The following ERICH1 variants were observed in gnomAD, a reference collection of about 807,000 sequenced individuals.
ERICH1 encodes the protein glutamate-rich protein 1.
ERICH1 carries 56 observed loss-of-function variants against 39.6 expected under a neutral mutation model. That is an observed-to-expected ratio of 1.41 (90% CI 1.14 to 1.77). The LOEUF is 1.77. ERICH1 is among the 40% of genes most tolerant of loss of function. The pLI is 0.00. For synonymous variants in ERICH1, 313 were observed against 223.6 expected (o/e 1.40, Z -3.57); for missense variants, 826 against 575.4 (o/e 1.44, Z -4.45).
chr8:708,044 A>G (rs1585544992), intron 2 of ERICH1, among the ~76,000 whole-genome samples: 2 of 152,314 alleles, frequency 1.3e-5, no homozygotes, highest in South Asian at 4.1e-4. Flanking sequence ...AAAGATGCTC[A>G]ACATTCTCAG....
intron 4 of ERICH1, among the ~76,000 whole-genome samples, chr8:669,843 G>C (rs1480438859): frequency 6.6e-6 from 1 of 152,236 alleles, no homozygotes; most frequent in Non-Finnish European, 1.5e-5. Context: ...TCAGCAGTAT[G>C]ACTGCAATTC....
intron 3 of ERICH1, chr8:616,578 A>C (rs1349501841): frequency 4.4e-6 from 2 of 455,738 alleles, no homozygotes; most frequent in African/African-American, 4.0e-5. Flanking sequence ...AGATCAAGTC[A>C]GGGCTGGAGA....
intron 3 of ERICH1, among the ~76,000 whole-genome samples, chr8:653,547 C>T (rs1034939073): frequency 2.0e-5 from 3 of 152,128 alleles, no homozygotes; most frequent in Admixed American, 6.5e-5. Flanking sequence ...TTGTTCTGAC[C>T]ACGAGGAATC....
downstream of ERICH1, among the ~76,000 whole-genome samples, chr8:663,647 A>G (rs1801763334): frequency 6.6e-6 from 1 of 152,188 alleles, no homozygotes; most frequent in Non-Finnish European, 1.5e-5. Flanking sequence ...GGTACCTTGA[A>G]TCATGCACCT....
chr8:684,307 A>C (rs1300854658), intron 3 of ERICH1, among the ~76,000 whole-genome samples: 1 of 152,236 alleles, frequency 6.6e-6, no homozygotes, highest in Non-Finnish European at 1.5e-5. Flanking sequence ...AAAGTAATTA[A>C]AACAGTACAA....
At position 731,173 on chromosome 8, in the gene ERICH1, C is replaced by G; in HGVS notation, c.-12G>C. The G allele has an allele frequency of 1.3e-6, 2 of 1,504,228 alleles. No individual in the cohort carries two copies. The highest frequency in any genetic ancestry group is 2.7e-5 in the East Asian group (1 of 36,372). 93.2% of individuals were successfully genotyped at this position (1,504,228 alleles called of 1,614,324 possible). On this transcript the variant is annotated 5_prime_UTR_variant, in exon 1 of 6. Transcript: ENST00000262109. ...CTGTGCGCCGCCATGCGGGACCCTGCCGCGGACCTCAGACCACGGCGCGCG... is the reference window on the plus strand; with the variant it reads ...CTGTGCGCCGCCATGCGGGACCCTGGCGCGGACCTCAGACCACGGCGCGCG...
chr8:721,652 C>T (rs901374089), intron 1 of ERICH1, among the ~76,000 whole-genome samples: 9 of 152,222 alleles, frequency 5.9e-5, no homozygotes, highest in African/African-American at 1.7e-4. Flanking sequence ...AAGGACCCCA[C>T]GGACTGCTGG....
intron 3 of ERICH1, among the ~76,000 whole-genome samples, chr8:678,903 CTG>C (rs1384086807): frequency 5.3e-5 from 8 of 152,072 alleles, no homozygotes; most frequent in Non-Finnish European, 1.2e-4. Context: ...CCTCACGGCT[CTG>C]GGCCCTCATG....
rs547771134 is a variant in ERICH1, at chr8:724,528, G to C, written c.22+6612C>G. Among the ~76,000 whole-genome samples, 8 of 152,220 alleles carry C rather than the reference G, an allele frequency of 5.3e-5. No homozygotes were observed. The East Asian group carries it at 1.5e-3, about 29-fold the overall frequency. On this transcript the variant is annotated intron_variant, in intron 1 of 5. Coordinates refer to ENST00000262109, the MANE Select transcript of ERICH1 (RefSeq NM_207332.3). The stretch of plus-strand genomic sequence containing the variant: ...GGAGAGGCCGGCACTGCCCCGACGG[G>C]GGCGGGACCTCAGAGCAGCCCACTC...
chr8:683,698 G>C (rs551319320), intron 3 of ERICH1, among the ~76,000 whole-genome samples: 2 of 152,276 alleles, frequency 1.3e-5, no homozygotes, highest in South Asian at 4.1e-4. Context: ...AACTGAGTTG[G>C]GCTAAAACAC....
At chr8:630,130 C>A (rs1397553701) in intron 3 of ERICH1, among the ~76,000 whole-genome samples, 28 of 124,910 alleles carry the variant, frequency 2.2e-4, no homozygotes, top group African/African-American at 8.9e-4. Flanking sequence ...CCCACACAGA[C>A]AGAGCTGACT....
chr8:720,552 A>AG (rs1171950903), intron 1 of ERICH1, among the ~76,000 whole-genome samples: 1 of 152,150 alleles, frequency 6.6e-6, no homozygotes, highest in African/African-American at 2.4e-5. Flanking sequence ...TTTCATATGG[A>AG]GGGTGGGAGT....
At chr8:695,227 C>T (rs1254997293) in intron 2 of ERICH1, among the ~76,000 whole-genome samples, 1 of 152,094 alleles carries the variant, frequency 6.6e-6, no homozygotes, top group Admixed American at 6.5e-5. Context: ...GCACTGGGTA[C>T]CACCCAGCCC....
chr8:699,814 CGCACAAG>C (rs1811359466), intron 2 of ERICH1, among the ~76,000 whole-genome samples: 1 of 71,150 alleles, frequency 1.4e-5, no homozygotes, highest in Non-Finnish European at 3.5e-5. Context: ...CGCACAGATC[CGCACAAG>C]CGCACAGACC....
At chr8:638,810 C>T (rs889019417) in intron 3 of ERICH1, among the ~76,000 whole-genome samples, 2 of 152,084 alleles carry the variant, frequency 1.3e-5, no homozygotes, top group Non-Finnish European at 2.9e-5. Context: ...ATTTTGACCC[C>T]GGCCTGTCGT....
intron 3 of ERICH1, among the ~76,000 whole-genome samples, chr8:651,769 G>A (rs1361281593): frequency 1.3e-5 from 2 of 151,848 alleles, no homozygotes; most frequent in South Asian, 2.1e-4. Context: ...GAGCGGGAGG[G>A]GAGGGCATCT....
At chr8:660,850 A>G (rs983187129), downstream of ERICH1, among the ~76,000 whole-genome samples, 19 of 151,970 alleles carry the variant, frequency 1.3e-4, no homozygotes, top group African/African-American at 4.3e-4. Context: ...CATGAGCTAT[A>G]TGGGACTGCT....
chr8:652,278 T>C (rs1047525682), intron 3 of ERICH1, among the ~76,000 whole-genome samples: 1 of 152,224 alleles, frequency 6.6e-6, no homozygotes, highest in African/African-American at 2.4e-5. Flanking sequence ...AGGGAGAAGC[T>C]GTTCTACAAG....
At chr8:618,730 T>C (rs543893948) in intron 3 of ERICH1, among the ~76,000 whole-genome samples, 3 of 152,238 alleles carry the variant, frequency 2.0e-5, no homozygotes, top group Admixed American at 2.0e-4. Context: ...ACTATTAAAA[T>C]TGTGCTTAAA....
Sources: gnomAD v4.1 joint callset for allele counts (sites outside exome capture counted in the v4.1 genomes callset) on GRCh38, gnomAD v4.1.1 for gene constraint, MANE v1.5 for transcripts, NCBI Gene and HGNC (gene_info 2026-07-23, HGNC 2026-07-21) for gene names.